The following GALNT17 variants were observed in gnomAD, a reference collection of about 807,000 sequenced individuals.
GALNT17 encodes the protein polypeptide N-acetylgalactosaminyltransferase 17.
Under a neutral mutation model 63.7 loss-of-function variants are expected in GALNT17, and 29 were observed. The observed-to-expected ratio is 0.46, with a 90% confidence interval of 0.34 to 0.62. The LOEUF is 0.62. GALNT17 is among the 20% of genes least tolerant of loss of function. The probability of loss-of-function intolerance (pLI) is 0.01; values close to 1 mark genes in which losing one functional copy is unlikely to be tolerated. For synonymous variants in GALNT17, 305 were observed against 318.3 expected, an observed-to-expected ratio of 0.96 and a Z score of 0.45; for missense variants, 603 against 799.6, an observed-to-expected ratio of 0.75 and a Z score of 2.97.
chr7:71,546,623 C>G (rs1449459894), intron 5 of GALNT17, among the ~76,000 whole-genome samples: 1 of 152,196 alleles, frequency 6.6e-6, no homozygotes, highest in Admixed American at 6.5e-5. Flanking sequence ...GAACAAGGTA[C>G]TCAACCTTTC....
chr7:71,634,236 A>G (rs752005095), intron 6 of GALNT17, among the ~76,000 whole-genome samples: 1 of 152,062 alleles, frequency 6.6e-6, no homozygotes, highest in African/African-American at 2.4e-5. Flanking sequence ...GCCACTGAAG[A>G]TGGGGAGTGC....
At chr7:71,418,109 C>T (rs1254511761) in intron 4 of GALNT17, among the ~76,000 whole-genome samples, 1 of 152,162 alleles carries the variant, frequency 6.6e-6, no homozygotes, top group Non-Finnish European at 1.5e-5. Context: ...TGGAAGAGTA[C>T]TGCACAAACT....
intron 6 of GALNT17, among the ~76,000 whole-genome samples, chr7:71,631,407 C>G (rs991786216): frequency 6.6e-6 from 1 of 152,076 alleles, no homozygotes; most frequent in African/African-American, 2.4e-5. Context: ...CCAGGCTGGT[C>G]TGGAATTCCT....
intron 2 of GALNT17, among the ~76,000 whole-genome samples, chr7:71,345,158 T>TG (rs1305413132): frequency 2.6e-5 from 4 of 151,318 alleles, no homozygotes; most frequent in Non-Finnish European, 4.4e-5. Flanking sequence ...TTTTTTTTTT[T>TG]TGTTTTTTTT....
intron 1 of GALNT17, among the ~76,000 whole-genome samples, chr7:71,169,043 C>T (rs1788497929): frequency 6.6e-6 from 1 of 152,088 alleles, no homozygotes; most frequent in Non-Finnish European, 1.5e-5. Context: ...TGGGTCCTTT[C>T]TCCCAGCCTG....
At chr7:71,139,231 T>C (rs1465199002) in intron 1 of GALNT17, among the ~76,000 whole-genome samples, 1 of 152,110 alleles carries the variant, frequency 6.6e-6, no homozygotes, top group East Asian at 1.9e-4. Flanking sequence ...TCCAGCACTT[T>C]CCTAATAAGT....
intron 1 of GALNT17, among the ~76,000 whole-genome samples, chr7:71,321,853 C>A (rs562276483): frequency 7.1e-6 from 1 of 140,100 alleles, no homozygotes; most frequent in Admixed American, 7.2e-5. Context: ...TCCTTCCTTT[C>A]CTTCCTTCCT....
chr7:71,195,945 C>G (rs1789040707), intron 1 of GALNT17, among the ~76,000 whole-genome samples: 2 of 152,030 alleles, frequency 1.3e-5, no homozygotes, highest in Non-Finnish European at 2.9e-5. Flanking sequence ...ATCTTGCATA[C>G]TAACTCCCTA....
chr7:71,665,364 C>T (rs1351078200), intron 6 of GALNT17, 47 bp from the exon 7 acceptor site: 4 of 1,563,758 alleles, frequency 2.6e-6, no homozygotes, highest in Non-Finnish European at 3.5e-6. Flanking sequence ...GGGGGCATAG[C>T]CTCTGGGAAT....
At chr7:71,506,526 C>T (rs528205603) in intron 5 of GALNT17, among the ~76,000 whole-genome samples, 1 of 152,258 alleles carries the variant, frequency 6.6e-6, no homozygotes, top group African/African-American at 2.4e-5. Flanking sequence ...CTCGGCCTCC[C>T]AAAGTGCTGG....
At chr7:71,133,430 G>A (rs898739827) in intron 1 of GALNT17, among the ~76,000 whole-genome samples, 12 of 152,082 alleles carry the variant, frequency 7.9e-5, no homozygotes, top group Non-Finnish European at 1.5e-5. Context: ...CCCAGCGTTT[G>A]GTGGGGTACC....
At chr7:71,413,543 AT>A (rs10650177) in intron 3 of GALNT17, among the ~76,000 whole-genome samples, 4 of 148,618 alleles carry the variant, frequency 2.7e-5, no homozygotes, top group South Asian at 2.1e-4. Context: ...TATTTTTTGT[AT>A]TTTTTTTTTA....
intron 1 of GALNT17, among the ~76,000 whole-genome samples, chr7:71,180,850 G>A (rs1388075840): frequency 6.6e-6 from 1 of 152,208 alleles, no homozygotes; most frequent in African/African-American, 2.4e-5. Context: ...CAGAGGCCAA[G>A]AACTCAGTTT....
intron 1 of GALNT17, among the ~76,000 whole-genome samples, chr7:71,309,435 CA>C (rs1791372241): frequency 6.6e-6 from 1 of 152,082 alleles, no homozygotes; most frequent in African/African-American, 2.4e-5. Flanking sequence ...AGACCACATC[CA>C]AATGTTATCT....
At chr7:71,334,606 T>C (rs1791866137) in intron 1 of GALNT17, among the ~76,000 whole-genome samples, 1 of 152,192 alleles carries the variant, frequency 6.6e-6, no homozygotes, top group Admixed American at 6.6e-5. Flanking sequence ...AAATTGCCCA[T>C]CAAGCTGTTT....
intron 5 of GALNT17, among the ~76,000 whole-genome samples, chr7:71,454,647 A>G (rs1243789616): frequency 3.9e-5 from 6 of 152,188 alleles, no homozygotes; most frequent in Non-Finnish European, 5.9e-5. Context: ...TATGTATTTA[A>G]TAAGCTATAG....
intron 6 of GALNT17, among the ~76,000 whole-genome samples, chr7:71,655,168 G>C (rs979390385): frequency 1.3e-5 from 2 of 152,094 alleles, no homozygotes; most frequent in Non-Finnish European, 2.9e-5. Context: ...GGCAGGAGGA[G>C]TGCTTGAGCC....
At chr7:71,278,781 C>T (rs765087452) in intron 1 of GALNT17, among the ~76,000 whole-genome samples, 12 of 152,250 alleles carry the variant, frequency 7.9e-5, no homozygotes, top group South Asian at 6.2e-4. Context: ...TAACCACTCT[C>T]ATGATTCAAT....
At chr7:71,272,181 G>GT (rs1369800696) in intron 1 of GALNT17, among the ~76,000 whole-genome samples, 1 of 152,210 alleles carries the variant, frequency 6.6e-6, no homozygotes. Flanking sequence ...GCTATTCCAT[G>GT]TATTGGGAGT....
Sources: gnomAD v4.1 joint callset for allele counts (sites outside exome capture counted in the v4.1 genomes callset) on GRCh38, gnomAD v4.1.1 for gene constraint, MANE v1.5 for transcripts, NCBI Gene and HGNC (gene_info 2026-07-23, HGNC 2026-07-21) for gene names.